The following ZBTB20 variants were observed in gnomAD, a reference collection of about 807,000 sequenced individuals.
ZBTB20 encodes the protein zinc finger and BTB domain-containing protein 20.
ZBTB20 carries 9 observed loss-of-function variants against 56.9 expected under a neutral mutation model. That is an observed-to-expected ratio of 0.16 (90% CI 0.10 to 0.28). ZBTB20 has a LOEUF of 0.28. ZBTB20 is among the 10% of genes least tolerant of loss of function. The probability of loss-of-function intolerance (pLI) is 1.00; values close to 1 mark genes in which losing one functional copy is unlikely to be tolerated. For synonymous variants in ZBTB20, 417 were observed against 420.7 expected (o/e 0.99, Z 0.11); for missense variants, 655 against 1,003.0 (o/e 0.65, Z 4.69).
chr3:115,109,948 G>A (rs1409955536), intron 1 of ZBTB20, among the ~76,000 whole-genome samples: 2 of 152,134 alleles, frequency 1.3e-5, no homozygotes, highest in African/African-American at 2.4e-5. Flanking sequence ...TGTGGCTCAC[G>A]CCTGTAATCC....
At chr3:114,636,917 C>A (rs1247929948) in intron 6 of ZBTB20, among the ~76,000 whole-genome samples, 1 of 49,206 alleles carries the variant, frequency 2.0e-5, no homozygotes, top group Non-Finnish European at 3.8e-5. Flanking sequence ...ACAGCAACAA[C>A]AACAACAACA....
At chr3:114,467,938 A>C (rs549716200) in intron 7 of ZBTB20, among the ~76,000 whole-genome samples, 1 of 152,034 alleles carries the variant, frequency 6.6e-6, no homozygotes, top group African/African-American at 2.4e-5. Flanking sequence ...ACCTGGGAGC[A>C]CTCCTTCCTA....
intron 6 of ZBTB20, among the ~76,000 whole-genome samples, chr3:114,649,869 C>T (rs1306609418): frequency 6.6e-6 from 1 of 151,722 alleles, no homozygotes; most frequent in Non-Finnish European, 1.5e-5. Context: ...GTCATAAGAA[C>T]AACAGCAATA....
chr3:114,709,589 A>C (rs575409428), intron 5 of ZBTB20, among the ~76,000 whole-genome samples: 1 of 152,338 alleles, frequency 6.6e-6, no homozygotes, highest in Non-Finnish European at 1.5e-5. Context: ...CCACAGCTTT[A>C]GGAGGGGCAA....
rs1045976361 is a variant in ZBTB20 at position 114,943,594 on chromosome 3, C to T, written c.-456+30772G>A. Among the ~76,000 whole-genome samples the T allele has an allele frequency of 3.5e-5, 5 of 144,906 alleles. 1 individual carries two copies. The highest frequency in any genetic ancestry group is 4.3e-4 in the South Asian group (2 of 4,668). ...AATAAAACAAAATTAATAACTCAAT[C>T]GCAGCCAGTTAGACACAACAGAAGA... On this transcript the variant is annotated intron_variant, in intron 3 of 11. Transcript: ENST00000675478.
At chr3:114,863,432 C>T (rs1168549799) in intron 4 of ZBTB20, among the ~76,000 whole-genome samples, 1 of 151,892 alleles carries the variant, frequency 6.6e-6, no homozygotes, top group Non-Finnish European at 1.5e-5. Context: ...AATAATGCCA[C>T]TACAATAAAA....
chr3:114,852,479 G>A (rs991360938), intron 4 of ZBTB20, among the ~76,000 whole-genome samples: 1 of 151,828 alleles, frequency 6.6e-6, no homozygotes, highest in Non-Finnish European at 1.5e-5. Context: ...GGCCAGGCTG[G>A]TCTCAAACTC....
At chr3:114,958,172 A>G (rs920034874) in intron 3 of ZBTB20, among the ~76,000 whole-genome samples, 5 of 152,232 alleles carry the variant, frequency 3.3e-5, no homozygotes, top group African/African-American at 1.2e-4. Flanking sequence ...GAAAAACTTC[A>G]GGAATTTTCA....
intron 6 of ZBTB20, among the ~76,000 whole-genome samples, chr3:114,676,101 G>A (rs977486180): frequency 2.0e-5 from 3 of 152,140 alleles, no homozygotes; most frequent in African/African-American, 7.2e-5. Flanking sequence ...GCCAGACTCT[G>A]TTACAGGATG....
At chr3:115,146,977 G>GGGGAGGGGGCGCGGGCGGGGCGGGGC (rs2085010671) in intron 1 of ZBTB20, among the ~76,000 whole-genome samples, 4 of 150,522 alleles carry the variant, frequency 2.7e-5, no homozygotes, top group African/African-American at 9.7e-5. Flanking sequence ...AAGGGCGCCG[G>GGGGAGGGGGCGCGGGCGGGGCGGGGC]GGGAGGGGGC....
At chr3:114,361,341 A>G (rs1206279636) in intron 10 of ZBTB20, among the ~76,000 whole-genome samples, 2 of 152,208 alleles carry the variant, frequency 1.3e-5, no homozygotes, top group Non-Finnish European at 1.5e-5. Context: ...AACCTTATTC[A>G]AACTTTTTCC....
rs1485592107 is a variant in ZBTB20, at chr3:114,952,581, C to A, written c.-456+21785G>T. Among the ~76,000 whole-genome samples, 3 of 149,960 alleles carry A rather than the reference C, an allele frequency of 2.0e-5. No individual in the cohort carries two copies. The East Asian group carries it at 5.8e-4, about 29-fold the overall frequency. On this transcript the variant is annotated intron_variant, in intron 3 of 11. Coordinates refer to ENST00000675478, the MANE Select transcript of ZBTB20 (RefSeq NM_001348800.3). The stretch of plus-strand genomic sequence containing the variant: ...AAACCCACAGAGTCAAGAAGTACAG[C>A]AAACCCCAAACAGAAAAAAAAAAAA...
At chr3:115,095,635 G>C (rs905672463) in intron 1 of ZBTB20, among the ~76,000 whole-genome samples, 3 of 152,060 alleles carry the variant, frequency 2.0e-5, no homozygotes, top group Non-Finnish European at 4.4e-5. Flanking sequence ...TCTAACACCG[G>C]CTGTAGTGGT....
At chr3:114,552,233 T>C (rs554495432) in intron 6 of ZBTB20, among the ~76,000 whole-genome samples, 22 of 152,148 alleles carry the variant, frequency 1.4e-4, no homozygotes, top group Admixed American at 4.6e-4. Flanking sequence ...AAACAAAACT[T>C]GGAAATTCTA....
intron 5 of ZBTB20, among the ~76,000 whole-genome samples, chr3:114,722,748 G>A (rs887210451): frequency 6.6e-6 from 1 of 152,144 alleles, no homozygotes; most frequent in Non-Finnish European, 1.5e-5. Flanking sequence ...GCCAATGAGA[G>A]AATGACATAC....
chr3:114,595,231 A>G (rs1373516022), intron 6 of ZBTB20, among the ~76,000 whole-genome samples: 5 of 152,316 alleles, frequency 3.3e-5, no homozygotes, highest in Non-Finnish European at 7.4e-5. Context: ...AATAACTTCT[A>G]TAAATATGAC....
At position 114,317,066 on chromosome 3, in the gene ZBTB20, G is replaced by A. The variant is rs559136989; in HGVS notation, c.*21939C>T. ...CACCAACTGACACCAAACTCCCCATGGCCCCTGCATGCTCAAACATCACCC... is the reference window on the plus strand; with the variant it reads ...CACCAACTGACACCAAACTCCCCATAGCCCCTGCATGCTCAAACATCACCC... On this transcript the variant is annotated 3_prime_UTR_variant, in exon 12 of 12. Coordinates refer to ENST00000675478, the MANE Select transcript of ZBTB20 (RefSeq NM_001348800.3). 6.4e-6 allele frequency: 1 copy of A among 156,918 alleles called. No individual in the cohort carries two copies. The highest frequency in any genetic ancestry group is 1.4e-5 in the Non-Finnish European group (1 of 70,680). The allele number at this position is 156,918 out of a possible 1,614,324, so 9.7% of individuals were successfully genotyped here. A position where few individuals can be genotyped will look rare whatever the true frequency, so the allele number is the denominator to read the frequency against.
intron 2 of ZBTB20, among the ~76,000 whole-genome samples, chr3:114,984,076 T>G (rs1048269909): frequency 3.3e-5 from 5 of 151,978 alleles, no homozygotes; most frequent in Non-Finnish European, 5.9e-5. Context: ...CATTTCCTGG[T>G]TTAATTTGAA....
At chr3:114,765,899 C>A (rs769908398) in intron 5 of ZBTB20, among the ~76,000 whole-genome samples, 2 of 152,066 alleles carry the variant, frequency 1.3e-5, no homozygotes, top group Non-Finnish European at 2.9e-5. Context: ...AAAAGACAAA[C>A]TGAAATATAC....
Sources: allele counts gnomAD v4.1 joint callset (sites outside exome capture counted in the v4.1 genomes callset), GRCh38; gene constraint gnomAD v4.1.1; transcripts MANE v1.5; gene names NCBI Gene and HGNC (gene_info 2026-07-23, HGNC 2026-07-21).